The following PPP4R2 variants were observed in gnomAD, a reference collection of about 807,000 sequenced individuals.
PPP4R2 encodes protein phosphatase 4 regulatory subunit 2, also known as serine/threonine-protein phosphatase 4 regulatory subunit 2.
A neutral mutation model predicts 47.2 loss-of-function variants in PPP4R2; 13 were observed. The observed-to-expected ratio is 0.28, with a 90% CI of 0.18 to 0.44. The LOEUF is 0.44. Among genes scored for constraint, PPP4R2 ranks in the 20% least tolerant of loss-of-function variants. PPP4R2 has a pLI of 1.00. For missense variants in PPP4R2, 421 were observed against 491.2 expected, an observed-to-expected ratio of 0.86 and a Z score of 1.35; for synonymous variants, 151 against 163.3, an observed-to-expected ratio of 0.92 and a Z score of 0.57.
At chr3:73,060,797 AG>A (rs893172231) in intron 4 of PPP4R2, among the ~76,000 whole-genome samples, 2 of 152,016 alleles carry the variant, frequency 1.3e-5, no homozygotes, top group African/African-American at 2.4e-5. Flanking sequence ...AAATAAGTAT[AG>A]GAAAAAAAAA....
At chr3:73,062,173 C>G (rs746940492) in intron 5 of PPP4R2, 1 of 1,552,996 alleles carries the variant, frequency 6.4e-7, no homozygotes, top group Non-Finnish European at 8.7e-7. Flanking sequence ...TCTTTTAGAC[C>G]TATGATTCTT....
chr3:73,033,674 A>G (rs985529429), intron 2 of PPP4R2, among the ~76,000 whole-genome samples: 9 of 152,202 alleles, frequency 5.9e-5, no homozygotes, highest in Non-Finnish European at 7.3e-5. Context: ...TTCTGTACCC[A>G]TTAAACAATA....
intron 2 of PPP4R2, among the ~76,000 whole-genome samples, chr3:73,020,423 A>T (rs1263374351): frequency 6.6e-6 from 1 of 152,122 alleles, no homozygotes; most frequent in Non-Finnish European, 1.5e-5. Context: ...ACACTTTGGG[A>T]GGCAGAGTCA....
rs924049954 is a variant in PPP4R2 at position 73,047,063 on chromosome 3, T to C, written c.117-123T>C. 4.2e-5 allele frequency: 25 copies of C among 590,074 alleles called. No homozygotes were observed. The Admixed American group carries it at 6.8e-4, about 16-fold the overall frequency. 36.6% of individuals were successfully genotyped at this position (590,074 alleles called of 1,614,324 possible). ...TGCTCTTCAATGACGGCATTCTCAT[T>C]ACTAATTATTCACATCTTAATTTTG... On this transcript the variant is annotated intron_variant, in intron 2 of 8. Transcript: ENST00000356692.
chr3:73,038,684 G>A (rs9865073), intron 2 of PPP4R2, among the ~76,000 whole-genome samples: 57,897 of 152,090 alleles, frequency 0.38, 11,683 homozygotes, highest in South Asian at 0.54. Flanking sequence ...TAAAAATTAA[G>A]CACAAGTCAG....
intron 2 of PPP4R2, among the ~76,000 whole-genome samples, chr3:73,038,935 G>GAAA (rs917712526): frequency 1.3e-5 from 2 of 152,076 alleles, no homozygotes; most frequent in African/African-American, 4.8e-5. Context: ...ACTCTAATTT[G>GAAA]AAAAATTTGT....
At chr3:73,017,209 G>A (rs1230155212) in intron 2 of PPP4R2, among the ~76,000 whole-genome samples, 1 of 152,146 alleles carries the variant, frequency 6.6e-6, no homozygotes, top group Non-Finnish European at 1.5e-5. Flanking sequence ...ATCAGCCACT[G>A]TGCCCAGCCA....
chr3:73,065,975 A>G lies in PPP4R2; in HGVS notation c.*253A>G, dbSNP rs568823788. 1.9e-4 allele frequency: 44 copies of G among 232,478 alleles called. No homozygotes were observed. The highest frequency in any genetic ancestry group is 1.2e-3 in the African/African-American group (42 of 34,342). 14.4% of individuals were successfully genotyped at this position (232,478 alleles called of 1,614,324 possible). A position where few individuals can be genotyped will look rare whatever the true frequency, so the allele number is the denominator to read the frequency against. On this transcript the variant is annotated 3_prime_UTR_variant, in exon 9 of 9. Transcript: ENST00000356692. ...GTCTGGGCAAATCAGTGGTTTGTGT[A>G]TAGATTTTTTTTTTTTTTTAATTTA...
At position 73,060,799 on chromosome 3, in the gene PPP4R2, GA is replaced by G. The variant is rs3215026; in HGVS notation, c.382-214del. ...AGATTAGGGTAAAAAATAAGTATAG[GA>G]AAAAAAAAATTAGTGGCTGAGTAGG... On this transcript the variant is annotated intron_variant, in intron 4 of 8. Transcript: ENST00000356692. Among the ~76,000 whole-genome samples the G allele has an allele frequency of 7.5e-3, 1,116 of 149,486 alleles. 9 individuals carry two copies. The highest frequency in any genetic ancestry group is 0.02 in the African/African-American group (829 of 40,876).
intron 3 of PPP4R2, among the ~76,000 whole-genome samples, chr3:73,050,503 G>C (rs1702588966): frequency 6.6e-6 from 1 of 151,716 alleles, no homozygotes; most frequent in Non-Finnish European, 1.5e-5. Context: ...ACATTTTGTT[G>C]GTTTTCCACC....
chr3:73,062,628 C>T, intron 5 of PPP4R2: 1 of 1,613,994 alleles, frequency 6.2e-7, no homozygotes, highest in Middle Eastern at 1.7e-4. Flanking sequence ...GTCATCAGTT[C>T]TCCGCCACTG....
chr3:73,032,773 T>G (rs906487530), intron 2 of PPP4R2, among the ~76,000 whole-genome samples: 1 of 152,250 alleles, frequency 6.6e-6, no homozygotes, highest in African/African-American at 2.4e-5. Context: ...TTTTCCAGTA[T>G]AATTACATTG....
In PPP4R2 at chr3:73,064,860, C is replaced by T. The variant is rs369574402; in HGVS notation, c.647C>T (p.Ser216Leu). 3.6e-5 allele frequency: 57 copies of T among 1,602,378 alleles called. 1 individual carries two copies. The highest frequency in any genetic ancestry group is 2.2e-4 in the South Asian group (20 of 89,054). Reference protein sequence around the residue: ...QNEEKNHSDSSTSESEVSSVS... With the variant: ...QNEEKNHSDSLTSESEVSSVS... ...TAAAAAAACATTTACAGTGACTCTT[C>T]GACCTCTGAATCAGAAGTTTCCTCA... Residue 216 changes from serine (S) to leucine (L), a missense_variant, in exon 8 of 9, where the codon TCG becomes TTG. Ser to Leu is a moderately radical substitution (Grantham distance 145). Around this residue, in one of 2 missense-constraint regions of PPP4R2, gnomAD observed 317 missense variants for 287.5 expected, o/e 1.10. Transcript: ENST00000356692.
Position 72,996,902 on chromosome 3 carries a change from G to GT in PPP4R2, c.-133dup, listed in dbSNP as rs1347226035. ...TCGCACGCTTCCCCCGGCTCCCTTC[G>GT]TTTCCCCCCCCCGGTCGCCTGCGTG... On this transcript the variant is annotated 5_prime_UTR_variant, in exon 1 of 9. Transcript: ENST00000356692. 3.3e-5 allele frequency: 18 copies of GT among 537,504 alleles called. No individual in the cohort carries two copies. The highest frequency in any genetic ancestry group is 1.7e-4 in the Admixed American group (4 of 22,886). 33.3% of individuals were successfully genotyped at this position (537,504 alleles called of 1,614,324 possible).
chr3:72,999,505 A>G (rs1575832459), intron 2 of PPP4R2, among the ~76,000 whole-genome samples: 1 of 152,336 alleles, frequency 6.6e-6, no homozygotes, highest in East Asian at 1.9e-4. Context: ...CTGTTTTTTG[A>G]TATACAAGAT....
intron 2 of PPP4R2, among the ~76,000 whole-genome samples, chr3:73,013,005 T>C (rs1701754995): frequency 6.6e-6 from 1 of 152,048 alleles, no homozygotes; most frequent in African/African-American, 2.4e-5. Flanking sequence ...GTGTTTCTTT[T>C]CCTCTTGTGT....
At chr3:73,013,161 A>G (rs1315524718) in intron 2 of PPP4R2, among the ~76,000 whole-genome samples, 1 of 152,160 alleles carries the variant, frequency 6.6e-6, no homozygotes, top group Non-Finnish European at 1.5e-5. Flanking sequence ...TTGGTAGGAT[A>G]TGGCTAAAAT....
At position 73,062,490 on chromosome 3, in the gene PPP4R2, C is replaced by T. The variant is rs545358242; in HGVS notation, c.420-1183C>T. On this transcript the variant is annotated intron_variant, in intron 5 of 8. Transcript: ENST00000356692. ...CTTGTGTTTCATATTTGATGGGTTA[C>T]ACCAGGCATTACTGAGTGTTGGTGT... 3.2e-5 allele frequency: 51 copies of T among 1,613,464 alleles called. No homozygotes were observed. In the South Asian group the frequency reaches 5.2e-4, roughly 16 times the overall value.
intron 2 of PPP4R2, among the ~76,000 whole-genome samples, chr3:73,007,329 A>G (rs938214531): frequency 3.9e-5 from 6 of 152,212 alleles, no homozygotes; most frequent in Admixed American, 3.9e-4. Flanking sequence ...TTGACAAAAC[A>G]GTAAGAAAAT....
Sources: gnomAD v4.1 joint callset for allele counts (sites outside exome capture counted in the v4.1 genomes callset) on GRCh38, gnomAD v4.1.1 for gene constraint, gnomAD v4.1.1 regional missense constraint, MANE v1.5 for transcripts, NCBI Gene and HGNC (gene_info 2026-07-23, HGNC 2026-07-21) for gene names.